Variants in TTLL5 observed in about 807,000 individuals in gnomAD.
TTLL5 encodes tubulin tyrosine ligase like 5.
A neutral mutation model predicts 168.4 loss-of-function variants in TTLL5; 132 were observed. The ratio of observed to expected loss-of-function variants is 0.78; its 90% CI spans 0.68 to 0.91. The LOEUF (loss-of-function observed/expected upper bound fraction) is 0.91. Ranked by LOEUF, TTLL5 falls within the 40% of genes least tolerant of loss-of-function variation. The pLI is 0.00. For missense variants in TTLL5, 1,545 were observed against 1,581.5 expected (o/e 0.98, Z 0.39); for synonymous variants, 546 against 558.6 (o/e 0.98, Z 0.32).
At chr14:75,885,239 C>T (rs2032048470) in intron 30 of TTLL5, among the ~76,000 whole-genome samples, 1 of 151,464 alleles carries the variant, frequency 6.6e-6, no homozygotes, top group Non-Finnish European at 1.5e-5. Context: ...GCCTGTAATC[C>T]CAGCACTTTG....
intron 21 of TTLL5, among the ~76,000 whole-genome samples, chr14:75,773,975 G>GAGAGAGAGAAAGAGAGAA (rs1891555203): frequency 7.4e-6 from 1 of 135,676 alleles, no homozygotes; most frequent in African/African-American, 2.8e-5. Context: ...GAGAGAGAGA[G>GAGAGAGAGAAAGAGAGAA]AGAGAGAGAG....
intron 28 of TTLL5, among the ~76,000 whole-genome samples, chr14:75,841,325 C>G (rs111969513): frequency 1.3e-5 from 2 of 152,196 alleles, no homozygotes; most frequent in African/African-American, 4.8e-5. Context: ...CACTCTTACT[C>G]TACACCCTTC....
chr14:75,779,004 T>C (rs1891890339), intron 23 of TTLL5, among the ~76,000 whole-genome samples: 2 of 152,220 alleles, frequency 1.3e-5, no homozygotes, highest in Admixed American at 1.3e-4. Flanking sequence ...TATCTAGAAG[T>C]GAGCTGAACA....
At chr14:75,775,944 T>C (rs866251495) in intron 22 of TTLL5, among the ~76,000 whole-genome samples, 6 of 152,226 alleles carry the variant, frequency 3.9e-5, no homozygotes, top group South Asian at 2.1e-4. Flanking sequence ...CTGTAGAAAG[T>C]GGCAAATTGA....
intron 12 of TTLL5, among the ~76,000 whole-genome samples, chr14:75,727,103 A>G (rs577710011): frequency 2.4e-3 from 369 of 152,328 alleles, no homozygotes; most frequent in Non-Finnish European, 4.0e-3. Context: ...TGAGAGAGGC[A>G]AGTGCTAGGG....
At chr14:75,705,126 C>T (rs139542213) in intron 7 of TTLL5, among the ~76,000 whole-genome samples, 121 of 152,220 alleles carry the variant, frequency 7.9e-4, no homozygotes, top group African/African-American at 2.6e-3. Flanking sequence ...ATAGTACTTA[C>T]GAGAAGCTGA....
At chr14:75,870,732 C>T (rs1353646868) in intron 29 of TTLL5, among the ~76,000 whole-genome samples, 1 of 151,610 alleles carries the variant, frequency 6.6e-6, no homozygotes, top group African/African-American at 2.4e-5. Flanking sequence ...GGAAACCTGA[C>T]AGGTGTCTAC....
chr14:75,911,239 G>A (rs1373503116), intron 31 of TTLL5, among the ~76,000 whole-genome samples: 1 of 151,992 alleles, frequency 6.6e-6, no homozygotes, highest in Non-Finnish European at 1.5e-5. Flanking sequence ...CACCATGTTG[G>A]CCCGGCTGGC....
At chr14:75,774,313 T>C (rs1891579401) in intron 21 of TTLL5, among the ~76,000 whole-genome samples, 1 of 152,194 alleles carries the variant, frequency 6.6e-6, no homozygotes. Context: ...TTCTGTGAGA[T>C]GTATTCTTTC....
At chr14:75,823,859 G>A (rs897496704) in intron 28 of TTLL5, among the ~76,000 whole-genome samples, 1 of 152,110 alleles carries the variant, frequency 6.6e-6, no homozygotes, top group Admixed American at 6.5e-5. Context: ...AACCATTTTC[G>A]ATGTCACCCT....
chr14:75,862,550 G>A (rs2030106649), intron 28 of TTLL5, among the ~76,000 whole-genome samples: 1 of 152,140 alleles, frequency 6.6e-6, no homozygotes, highest in African/African-American at 2.4e-5. Flanking sequence ...TATAAATGGG[G>A]TCTTTTCTAC....
At chr14:75,808,974 AAT>A (rs143754403) in intron 27 of TTLL5, among the ~76,000 whole-genome samples, 97 of 148,526 alleles carry the variant, frequency 6.5e-4, no homozygotes, top group African/African-American at 1.1e-3. Flanking sequence ...ATATATAAGG[AAT>A]ATATATATAT....
intron 17 of TTLL5, among the ~76,000 whole-genome samples, chr14:75,751,197 T>G (rs1026889858): frequency 2.0e-5 from 3 of 152,218 alleles, no homozygotes; most frequent in African/African-American, 7.2e-5. Context: ...TGGCCATCAC[T>G]TTTGCAATCT....
intron 12 of TTLL5, among the ~76,000 whole-genome samples, chr14:75,726,784 T>C (rs1352747186): frequency 1.3e-5 from 2 of 152,148 alleles, no homozygotes; most frequent in Non-Finnish European, 2.9e-5. Flanking sequence ...ATATAAAGAA[T>C]TGACAAGTTT....
At position 75,735,278 on chromosome 14, in the gene TTLL5, C is replaced by T; in HGVS notation, c.1270C>T (p.Gln424Ter). 2 of 1,614,166 alleles carry T rather than the reference C, an allele frequency of 1.2e-6. No individual in the cohort carries two copies. The highest frequency in any genetic ancestry group is 3.3e-5 in the Admixed American group (2 of 60,030). The change falls in exon 15 of 32, where the codon CAG becomes TAG. Residue 424 changes from glutamine (Q) to a stop codon, truncating the protein, a stop_gained. Coordinates refer to ENST00000298832, the MANE Select transcript of TTLL5 (RefSeq NM_015072.5). LOFTEE classifies it high-confidence loss of function. ...TFESSRRNPFQKPQRCRPLSA... is the reference protein window; with the variant it reads ...TFESSRRNPF ...TGAGTCTTCCAGGCGAAACCCTTTC[C>T]AGAAACCTCAGGTAAGCCAATTCCA...
chr14:75,728,877 A>G (rs1338272097), intron 12 of TTLL5, among the ~76,000 whole-genome samples: 1 of 152,132 alleles, frequency 6.6e-6, no homozygotes, highest in African/African-American at 2.4e-5. Context: ...CTAGAACCCA[A>G]GGGAGAAGAA....
intron 28 of TTLL5, among the ~76,000 whole-genome samples, chr14:75,846,352 A>C (rs1298952003): frequency 6.6e-6 from 1 of 152,206 alleles, no homozygotes; most frequent in Non-Finnish European, 1.5e-5. Flanking sequence ...GAATTTTTAC[A>C]ATGGCCTAAT....
chr14:75,826,296 TACACACACACACACAC>T (rs57519882), intron 28 of TTLL5, among the ~76,000 whole-genome samples: 1 of 139,352 alleles, frequency 7.2e-6, no homozygotes, highest in Admixed American at 7.2e-5. Flanking sequence ...AGGATACGCG[TACACACACACACACAC>T]ACACACACAC....
In TTLL5 at chr14:75,924,555, C is replaced by T. The variant is rs982888572; in HGVS notation, c.3823+22331C>T. On this transcript the variant is annotated intron_variant, in intron 31 of 31. Coordinates refer to ENST00000298832, the MANE Select transcript of TTLL5 (RefSeq NM_015072.5). ...CTTGCACCACCCTTAATCCATTTAA[C>T]CCTGAGTGGACACAGCACATGTTTC... is the stretch of plus-strand genomic sequence containing the variant. Among the ~76,000 whole-genome samples the T allele has an allele frequency of 1.1e-4, 16 of 152,020 alleles. 1 individual carries two copies. In the South Asian group the frequency reaches 1.5e-3, roughly 14 times the overall value.
Sources: gnomAD v4.1 joint callset for allele counts (sites outside exome capture counted in the v4.1 genomes callset) on GRCh38, gnomAD v4.1.1 for gene constraint, MANE v1.5 for transcripts, NCBI Gene and HGNC (gene_info 2026-07-23, HGNC 2026-07-21) for gene names.